TXNDC16: variants seen among roughly 807,000 people sequenced by gnomAD.
TXNDC16 encodes the protein thioredoxin domain-containing protein 16.
Under a neutral mutation model 85.6 loss-of-function variants are expected in TXNDC16, and 74 were observed. That is an observed-to-expected ratio of 0.86 (90% confidence interval 0.72 to 1.05). The LOEUF (loss-of-function observed/expected upper bound fraction) is 1.05. TXNDC16 is among the 50% of genes least tolerant of loss of function. The pLI, the probability that TXNDC16 is intolerant of heterozygous loss-of-function variation, is 0.00. For missense variants in TXNDC16, 959 were observed against 947.0 expected (o/e 1.01, Z -0.17); for synonymous variants, 335 against 326.5 (o/e 1.03, Z -0.28).
chr14:52,498,766 C>A (rs929219064), intron 9 of TXNDC16, among the ~76,000 whole-genome samples: 4 of 151,980 alleles, frequency 2.6e-5, no homozygotes, highest in Non-Finnish European at 5.9e-5. Context: ...TCTACAGATT[C>A]AATGCAATCC....
chr14:52,543,273 A>T, intron 3 of TXNDC16, 125 bp downstream of exon 3: 1 of 1,065,596 alleles, frequency 9.4e-7, no homozygotes, highest in Non-Finnish European at 1.3e-6. Context: ...ACCCAGTCAG[A>T]CATATTATAG....
In TXNDC16 at chr14:52,455,339, T is replaced by C. The variant is rs767235713; in HGVS notation, c.1827A>G (p.Ala609=). The change falls in exon 18 of 21, where the codon GCA becomes GCG. Residue 609 remains alanine (A), a synonymous_variant. Coordinates refer to ENST00000281741, the MANE Select transcript of TXNDC16 (RefSeq NM_020784.3). ...ACATACTCACAAACATTTCCAGTAG[T>C]GCATCTGTTATTATTTGAACTATGT... The part of the protein sequence containing the change: ...AQDIVQIITD[A]LLEMFPEITV... 6 of 1,613,670 alleles carry C rather than the reference T, an allele frequency of 3.7e-6. No individual in the cohort carries two copies. Among genetic ancestry groups the C allele is most frequent in the Non-Finnish European group, 5.1e-6 (6 of 1,179,826 alleles).
chr14:52,432,512 G>A lies in TXNDC16; in HGVS notation c.2270C>T (p.Ser757Phe). The A allele has an allele frequency of 6.2e-7, 1 of 1,614,008 alleles. No individual in the cohort carries two copies. Among genetic ancestry groups the A allele is most frequent in the Non-Finnish European group, 8.5e-7 (1 of 1,179,948 alleles). Residue 757 changes from serine (S) to phenylalanine (F), a missense_variant, in exon 21 of 21, where the codon TCT becomes TTT. Coordinates refer to ENST00000281741, the MANE Select transcript of TXNDC16 (RefSeq NM_020784.3). Reference protein sequence around the residue: ...DFLSMIDAATSQRGTRKVPKC... With the variant: ...DFLSMIDAATFQRGTRKVPKC... The stretch of plus-strand genomic sequence containing the variant: ...GGGAACTTTCCTAGTGCCACGTTGA[G>A]ATGTTGCGGCATCTATCATACTTAG...
At chr14:52,500,281 A>C (rs964176221) in intron 9 of TXNDC16, among the ~76,000 whole-genome samples, 1 of 152,266 alleles carries the variant, frequency 6.6e-6, no homozygotes, top group African/African-American at 2.4e-5. Flanking sequence ...GCCTTAAAAA[A>C]GAATAAAATC....
chr14:52,494,668 C>T lies in TXNDC16; in HGVS notation c.757-3663G>A, dbSNP rs76495438. On this transcript the variant is annotated intron_variant, in intron 9 of 20. Coordinates refer to ENST00000281741, the MANE Select transcript of TXNDC16 (RefSeq NM_020784.3). ...CCAGATCATTGAAAGCCATGAATATCCTGCCAAGAAAATGGGGCTTTATTG... is the reference window on the plus strand; with the variant it reads ...CCAGATCATTGAAAGCCATGAATATTCTGCCAAGAAAATGGGGCTTTATTG... 8.7e-3 allele frequency among the ~76,000 whole-genome samples: 1,328 copies of T among 152,192 alleles called. 11 individuals are homozygous for T. The highest frequency in any genetic ancestry group is 0.017 in the Middle Eastern group (5 of 294).
rs530166586 is a variant in TXNDC16 at position 52,432,164 on chromosome 14, T to A, written c.*140A>T. ...GTTTAATGTAGTTACTAGAAAATTT[T>A]AAATAAAATATGTGACTTATATTAT... is the stretch of plus-strand genomic sequence containing the variant. On this transcript the variant is annotated 3_prime_UTR_variant, in exon 21 of 21. Transcript: ENST00000281741. The A allele has an allele frequency of 3.4e-5, 24 of 715,832 alleles. No homozygotes were observed. The highest frequency in any genetic ancestry group is 6.4e-5 in the East Asian group (2 of 31,300). The allele number at this position is 715,832 out of a possible 1,614,324, so 44.3% of individuals were successfully genotyped here. A position where few individuals can be genotyped will look rare whatever the true frequency, so the allele number is the denominator to read the frequency against.
At chr14:52,456,643 T>C (rs771599632) in intron 17 of TXNDC16, among the ~76,000 whole-genome samples, 3 of 152,210 alleles carry the variant, frequency 2.0e-5, no homozygotes, top group Non-Finnish European at 4.4e-5. Context: ...CTAAAATATT[T>C]TGGTAGTCCA....
intron 14 of TXNDC16, among the ~76,000 whole-genome samples, chr14:52,475,122 C>T (rs75148415): frequency 0.1 from 15,145 of 152,132 alleles, 772 homozygotes; most frequent in East Asian, 0.14. Flanking sequence ...GAGAGCTGAG[C>T]GAAAGCGAAA....
chr14:52,493,216 T>TATATATATATATATATATACAC, intron 9 of TXNDC16, among the ~76,000 whole-genome samples: 7 of 115,994 alleles, frequency 6.0e-5, no homozygotes, highest in African/African-American at 2.5e-4. Flanking sequence ...TATATATATA[T>TATATATATATATATATATACAC]ACACACACAC....
intron 7 of TXNDC16, among the ~76,000 whole-genome samples, chr14:52,515,453 A>C (rs1337144530): frequency 6.7e-6 from 1 of 148,158 alleles, no homozygotes; most frequent in East Asian, 2.0e-4. Flanking sequence ...CCACCATACA[A>C]CTTTCATGTT....
chr14:52,515,353 C>T (rs1211695974), intron 7 of TXNDC16, among the ~76,000 whole-genome samples: 6 of 149,520 alleles, frequency 4.0e-5, no homozygotes, highest in Non-Finnish European at 1.5e-5. Flanking sequence ...ATCAAACTTA[C>T]ACTGAAAGAA....
chr14:52,493,216 T>TATATTAC, intron 9 of TXNDC16, among the ~76,000 whole-genome samples: 7 of 115,998 alleles, frequency 6.0e-5, no homozygotes, highest in Middle Eastern at 4.3e-3. Flanking sequence ...TATATATATA[T>TATATTAC]ACACACACAC....
chr14:52,552,040 G>A (rs8009184), intron 1 of TXNDC16, among the ~76,000 whole-genome samples: 4 of 152,088 alleles, frequency 2.6e-5, no homozygotes, highest in African/African-American at 9.7e-5. Flanking sequence ...GGAGGAAAGG[G>A]TCTTTCACTT....
At chr14:52,461,416 ATAAT>A (rs1594697233) in intron 16 of TXNDC16, among the ~76,000 whole-genome samples, 1 of 152,288 alleles carries the variant, frequency 6.6e-6, no homozygotes, top group Non-Finnish European at 1.5e-5. Flanking sequence ...CATATGTTTG[ATAAT>A]TAATTTTAGT....
chr14:52,551,465 T>C (rs1295597534), intron 1 of TXNDC16, among the ~76,000 whole-genome samples: 3 of 109,126 alleles, frequency 2.7e-5, no homozygotes, highest in Non-Finnish European at 5.4e-5. Context: ...AGACCCTGCA[T>C]GAAAAAAAGG....
At chr14:52,541,878 T>C (rs2037838421) in intron 4 of TXNDC16, among the ~76,000 whole-genome samples, 1 of 152,224 alleles carries the variant, frequency 6.6e-6, no homozygotes, top group Non-Finnish European at 1.5e-5. Flanking sequence ...AAGTATGTAA[T>C]GTTGAGTCGT....
intron 6 of TXNDC16, among the ~76,000 whole-genome samples, chr14:52,519,989 T>G (rs995824018): frequency 2.6e-5 from 4 of 152,170 alleles, no homozygotes; most frequent in Non-Finnish European, 4.4e-5. Flanking sequence ...CTCATGCCCT[T>G]GAGGCAAGGA....
intron 9 of TXNDC16, among the ~76,000 whole-genome samples, chr14:52,511,032 C>T (rs2036941046): frequency 6.6e-6 from 1 of 151,894 alleles, no homozygotes; most frequent in African/African-American, 2.4e-5. Context: ...ATTTAATGAA[C>T]AGTCTATCTT....
intron 6 of TXNDC16, among the ~76,000 whole-genome samples, chr14:52,520,236 C>A (rs2037177530): frequency 6.6e-6 from 1 of 152,198 alleles, no homozygotes; most frequent in Non-Finnish European, 1.5e-5. Context: ...GTCCAGTAAT[C>A]TTTCCACTTG....
Sources: gnomAD v4.1 joint callset for allele counts (sites outside exome capture counted in the v4.1 genomes callset) on GRCh38, gnomAD v4.1.1 for gene constraint, MANE v1.5 for transcripts, NCBI Gene and HGNC (gene_info 2026-07-23, HGNC 2026-07-21) for gene names.